Variants in CLIC2 observed in about 807,000 individuals in gnomAD.
CLIC2 encodes the protein chloride intracellular channel protein 2.
A neutral mutation model predicts 14.8 loss-of-function variants in CLIC2; 9 were observed. The ratio of observed to expected loss-of-function variants is 0.61; its 90% confidence interval spans 0.37 to 1.06. CLIC2 has a LOEUF of 1.06. CLIC2 is among the 50% of genes least tolerant of loss of function. The pLI is 0.01. For synonymous variants in CLIC2, 61 were observed against 66.3 expected (o/e 0.92, Z 0.39); for missense variants, 148 against 181.4 (o/e 0.82, Z 1.06).
At chrX:155,319,988 T>C (rs1351075320) in intron 1 of CLIC2, among the ~76,000 whole-genome samples, 2 of 112,677 alleles carry the variant, frequency 1.8e-5, no homozygotes, top group East Asian at 5.6e-4. Flanking sequence ...GCAAAGCCGC[T>C]GTAGCCAGAC....
At position 155,277,693 on chromosome X, in the gene CLIC2, CAGAT is replaced by C; in HGVS notation, c.*206_*209del. ...TTCAGGATTGCAGTGGTTTGCCATA[CAGAT>C]AAAGAAAATTAAGTAAAAGTATGAA... On this transcript the variant is annotated 3_prime_UTR_variant, in exon 6 of 6. Transcript: ENST00000369449. 1 of 387,975 alleles carries C rather than the reference CAGAT, an allele frequency of 2.6e-6. No individual in the cohort carries two copies. Among genetic ancestry groups the C allele is most frequent in the African/African-American group, 2.5e-5 (1 of 39,676 alleles). The allele number at this position is 387,975 out of a possible 1,213,427, so 32.0% of individuals were successfully genotyped here. A position where few individuals can be genotyped will look rare whatever the true frequency, so the allele number is the denominator to read the frequency against.
chrX:155,283,761 C>A (rs1379051321), intron 3 of CLIC2, among the ~76,000 whole-genome samples: 26 of 110,168 alleles, frequency 2.4e-4, no homozygotes, highest in African/African-American at 8.3e-4. Context: ...CTCTGGAAAT[C>A]TGATTGATTC....
chrX:155,307,020 TTTC>T (rs2075058099), intron 1 of CLIC2, among the ~76,000 whole-genome samples: 1 of 111,896 alleles, frequency 8.9e-6, no homozygotes, highest in African/African-American at 3.3e-5. Flanking sequence ...GTGGACCCTC[TTTC>T]TTCACTTACT....
intron 3 of CLIC2, chrX:155,292,888 C>T: frequency 9.9e-7 from 1 of 1,011,335 alleles, no homozygotes; most frequent in Non-Finnish European, 1.4e-6. Context: ...ACACGTTATC[C>T]AGGTGCCTCA....
intron 3 of CLIC2, chrX:155,292,571 C>T (rs1437665701): frequency 2.5e-6 from 1 of 398,487 alleles, no homozygotes; most frequent in African/African-American, 2.6e-5. Context: ...GAGATCGAGA[C>T]CATCCTGGCT....
intron 1 of CLIC2, among the ~76,000 whole-genome samples, chrX:155,324,867 G>T (rs1213677482): frequency 8.9e-6 from 1 of 111,763 alleles, no homozygotes; most frequent in Non-Finnish European, 1.9e-5. Context: ...CTATCCATCT[G>T]ACAAGGGGCT....
intron 1 of CLIC2, among the ~76,000 whole-genome samples, chrX:155,325,773 T>TATAC: frequency 1.7e-5 from 1 of 60,551 alleles, no homozygotes; most frequent in Non-Finnish European, 3.1e-5. Flanking sequence ...TATATATATA[T>TATAC]ATATATATAT....
chrX:155,305,564 C>T (rs191962251), intron 1 of CLIC2, among the ~76,000 whole-genome samples: 143 of 112,425 alleles, frequency 1.3e-3, no homozygotes, highest in African/African-American at 4.0e-3. Context: ...AGCTGTAGAC[C>T]GGAGCTGTTC....
chrX:155,327,977 C>A (rs1300164043), intron 1 of CLIC2, among the ~76,000 whole-genome samples: 1 of 110,834 alleles, frequency 9.0e-6, no homozygotes, highest in Non-Finnish European at 1.9e-5. Context: ...TGACAAAAAA[C>A]CCTCAAAAAC....
At chrX:155,321,187 A>G (rs1023258769) in intron 1 of CLIC2, among the ~76,000 whole-genome samples, 3 of 111,839 alleles carry the variant, frequency 2.7e-5, no homozygotes, top group Non-Finnish European at 5.6e-5. Context: ...AGGCAGGCCA[A>G]CATTCAAATT....
At chrX:155,281,341 G>C (rs911606300) in intron 3 of CLIC2, among the ~76,000 whole-genome samples, 5 of 109,874 alleles carry the variant, frequency 4.6e-5, no homozygotes, top group Non-Finnish European at 9.5e-5. Context: ...GCAAAGGGTA[G>C]ATTTTAGGTG....
chrX:155,334,484 G>T lies in CLIC2; in HGVS notation c.-57C>A. The T allele has an allele frequency of 1.0e-6, 1 of 972,264 alleles. No homozygotes were observed. The highest frequency in any genetic ancestry group is 1.5e-6 in the Non-Finnish European group (1 of 678,047). 80.1% of individuals were successfully genotyped at this position (972,264 alleles called of 1,213,427 possible). A position where few individuals can be genotyped will look rare whatever the true frequency, so the allele number is the denominator to read the frequency against. On this transcript the variant is annotated 5_prime_UTR_variant, in exon 1 of 6. Coordinates refer to ENST00000369449, the MANE Select transcript of CLIC2 (RefSeq NM_001289.6). ...GCCTCCTGTAGAGTCCACAATACTT[G>T]TAGACTCTTTTCTCAATTTTATCCA...
At chrX:155,302,246 A>G (rs1557319226) in intron 1 of CLIC2, among the ~76,000 whole-genome samples, 1 of 108,307 alleles carries the variant, frequency 9.2e-6, no homozygotes. Flanking sequence ...GATTATTTCC[A>G]CAATTTCAGC....
chrX:155,331,412 A>C (rs782197821), intron 1 of CLIC2, among the ~76,000 whole-genome samples: 12 of 111,774 alleles, frequency 1.1e-4, no homozygotes, highest in Admixed American at 9.5e-4. Context: ...TCTCTTAATT[A>C]TCTTCAGCTG....
At chrX:155,290,247 A>G (rs1295650384) in intron 3 of CLIC2, 4 of 170,871 alleles carry the variant, frequency 2.3e-5, no homozygotes, top group Non-Finnish European at 4.4e-5. Flanking sequence ...ATTTTCCAAA[A>G]AGTACAATTT....
chrX:155,304,893 G>T (rs1361355514), intron 1 of CLIC2, among the ~76,000 whole-genome samples: 3 of 99,564 alleles, frequency 3.0e-5, no homozygotes, highest in Non-Finnish European at 6.2e-5. Context: ...AGGCTGCTCG[G>T]GGGTCAGGGG....
chrX:155,284,434 T>A (rs1160457321), intron 3 of CLIC2, among the ~76,000 whole-genome samples: 1 of 109,445 alleles, frequency 9.1e-6, no homozygotes, highest in Non-Finnish European at 1.9e-5. Context: ...TAATTTTGTG[T>A]TTTTAGTAGA....
intron 3 of CLIC2, among the ~76,000 whole-genome samples, chrX:155,281,139 C>T (rs2074917694): frequency 9.2e-6 from 1 of 108,497 alleles, no homozygotes; most frequent in Non-Finnish European, 1.9e-5. Flanking sequence ...ACTCCATGAT[C>T]TCACTTATGT....
intron 3 of CLIC2, among the ~76,000 whole-genome samples, chrX:155,294,506 G>T (rs1225013284): frequency 9.0e-6 from 1 of 111,369 alleles, no homozygotes; most frequent in Admixed American, 9.6e-5. Flanking sequence ...AGAAAAGCAA[G>T]AACAAACCAA....
Sources: gnomAD v4.1 joint callset for allele counts (sites outside exome capture counted in the v4.1 genomes callset) on GRCh38, gnomAD v4.1.1 for gene constraint, MANE v1.5 for transcripts, NCBI Gene and HGNC (gene_info 2026-07-23, HGNC 2026-07-21) for gene names.